WDHD1: variants seen among roughly 807,000 people sequenced by gnomAD.
WDHD1 encodes WD repeat and HMG-box DNA-binding protein 1.
In WDHD1, 111 loss-of-function variants were observed where a neutral mutation model predicts 135.4. The observed-to-expected ratio is 0.82, with a 90% CI of 0.70 to 0.96. The LOEUF (loss-of-function observed/expected upper bound fraction) is 0.96, where lower values mean the gene tolerates loss of function less well. Among genes scored for constraint, WDHD1 ranks in the 40% least tolerant of loss-of-function variants. The pLI is 0.00. For missense variants in WDHD1, 1,351 were observed against 1,336.3 expected, an observed-to-expected ratio of 1.01 and a Z score of -0.17; for synonymous variants, 434 against 439.0, an observed-to-expected ratio of 0.99 and a Z score of 0.14.
intron 22 of WDHD1, 25 bp from the exon 23 acceptor site, chr14:54,957,229 C>T (rs2041175475): frequency 6.3e-7 from 1 of 1,574,938 alleles, no homozygotes; most frequent in Non-Finnish European, 8.6e-7. Context: ...AGTGTTAGCA[C>T]TGTATGTTTA....
intron 2 of WDHD1, among the ~76,000 whole-genome samples, chr14:55,015,097 C>T (rs1234873155): frequency 1.3e-5 from 2 of 152,084 alleles, no homozygotes; most frequent in Non-Finnish European, 2.9e-5. Context: ...CTGAGATACT[C>T]CTGGTTTATG....
chr14:54,961,464 T>C (rs1489322110), intron 21 of WDHD1, among the ~76,000 whole-genome samples: 1 of 152,190 alleles, frequency 6.6e-6, no homozygotes, highest in Admixed American at 6.6e-5. Flanking sequence ...CACCACCCTT[T>C]TGCAGCCTTC....
chr14:55,022,011 A>C (rs570996641), intron 2 of WDHD1, among the ~76,000 whole-genome samples: 250 of 152,294 alleles, frequency 1.6e-3, no homozygotes, highest in Non-Finnish European at 2.7e-3. Flanking sequence ...GAGCCCGTAA[A>C]GGCCTGTATG....
intron 13 of WDHD1, among the ~76,000 whole-genome samples, chr14:54,987,702 C>T (rs1480977948): frequency 6.6e-6 from 1 of 152,102 alleles, no homozygotes; most frequent in African/African-American, 2.4e-5. Flanking sequence ...TCACTGCAAC[C>T]TCCGCCTCCC....
intron 12 of WDHD1, 47 bp from the exon 13 acceptor site, chr14:54,989,259 C>T (rs1206481462): frequency 1.4e-6 from 2 of 1,430,686 alleles, no homozygotes; most frequent in East Asian, 2.3e-5. Flanking sequence ...AACTGAAGCT[C>T]CTAGAATCAG....
At chr14:54,973,976 C>T (rs1193295372) in intron 16 of WDHD1, among the ~76,000 whole-genome samples, 5 of 151,874 alleles carry the variant, frequency 3.3e-5, no homozygotes, top group African/African-American at 4.8e-5. Context: ...TAAATATCCC[C>T]GTCATAGAAG....
At chr14:55,004,446 C>T (rs1310568622) in intron 7 of WDHD1, among the ~76,000 whole-genome samples, 1 of 151,570 alleles carries the variant, frequency 6.6e-6, no homozygotes, top group Non-Finnish European at 1.5e-5. Context: ...TTTTTTTTAG[C>T]AACCAATGTT....
intron 10 of WDHD1, among the ~76,000 whole-genome samples, chr14:54,997,031 C>T (rs1273252724): frequency 6.7e-6 from 1 of 149,780 alleles, no homozygotes; most frequent in Non-Finnish European, 1.5e-5. Context: ...ACCTCGTGAT[C>T]CACCCGCCTC....
chr14:54,947,242 G>T (rs757899929), intron 24 of WDHD1, among the ~76,000 whole-genome samples: 8 of 152,164 alleles, frequency 5.3e-5, no homozygotes, highest in Non-Finnish European at 8.8e-5. Context: ...AGGAGGCTGA[G>T]ACAGGAGAAT....
In WDHD1 at chr14:54,987,740, C is replaced by T. The variant is rs143038306; in HGVS notation, c.1527-353G>A. On this transcript the variant is annotated intron_variant, in intron 13 of 25. Transcript: ENST00000360586. ...GTTCAAGCAATTCTCCTGTCTCTTG[C>T]CTCAGCCTCCCGAGTAGCTGGGACT... is the stretch of plus-strand genomic sequence containing the variant. Among the ~76,000 whole-genome samples the T allele has an allele frequency of 6.4e-3, 977 of 152,236 alleles. 12 individuals are homozygous for T. Among genetic ancestry groups the T allele is most frequent in the African/African-American group, 0.022 (912 of 41,540 alleles).
rs2041123766 is a variant in WDHD1 at position 54,954,729 on chromosome 14, TGTTTTTTTG to T, written c.3050+823_3050+831del. 2.6e-5 allele frequency among the ~76,000 whole-genome samples: 4 copies of T among 152,224 alleles called. No individual in the cohort carries two copies. In the South Asian group the frequency reaches 6.2e-4, roughly 24 times the overall value. On this transcript the variant is annotated intron_variant, in intron 24 of 25. Transcript: ENST00000360586. The stretch of plus-strand genomic sequence containing the variant: ...TGCTATAGTATAAAGAAGTTCTTTT[TGTTTTTTTG>T]GTTTTTTTGAGACAGAGTTTCGCTT...
At chr14:54,973,465 AT>A (rs1425034555) in intron 16 of WDHD1, among the ~76,000 whole-genome samples, 1 of 151,958 alleles carries the variant, frequency 6.6e-6, no homozygotes. Flanking sequence ...TAGGGTTCTA[AT>A]TTTTTTGAAC....
rs2042107315 is a variant in WDHD1, at chr14:55,008,339, T to G, written c.481A>C (p.Arg161=). ...ACCTGATCTGAAATTTGCCACACTCTGACAGATCCATCACAACTAGCTGAT... is the reference window on the plus strand; with the variant it reads ...ACCTGATCTGAAATTTGCCACACTCGGACAGATCCATCACAACTAGCTGAT... ...LASASCDGSV[R]VWQISDQTCA... The change falls in exon 6 of 26, where the codon AGA becomes CGA. Residue 161 remains arginine, a synonymous_variant. Transcript: ENST00000360586. 1 of 1,613,532 alleles carries G rather than the reference T, an allele frequency of 6.2e-7. No individual in the cohort carries two copies. Among genetic ancestry groups the G allele is most frequent in the African/African-American group, 1.3e-5 (1 of 74,930 alleles).
chr14:54,950,929 A>G (rs2041040049), intron 24 of WDHD1, among the ~76,000 whole-genome samples: 1 of 152,192 alleles, frequency 6.6e-6, no homozygotes, highest in Non-Finnish European at 1.5e-5. Context: ...GGCAGAAATA[A>G]AGATGTTCTT....
intron 9 of WDHD1, 53 bp from the exon 10 acceptor site, chr14:55,000,697 T>C (rs2041966203): frequency 1.5e-6 from 2 of 1,377,654 alleles, no homozygotes; most frequent in Non-Finnish European, 1.9e-6. Flanking sequence ...ATATAAATTG[T>C]ACATTTCTTT....
intron 16 of WDHD1, among the ~76,000 whole-genome samples, chr14:54,979,544 T>C (rs2041583733): frequency 6.6e-6 from 1 of 152,174 alleles, no homozygotes; most frequent in South Asian, 2.1e-4. Context: ...GAATTTAACA[T>C]TTTATCACTT....
In WDHD1 at chr14:54,966,595, C is replaced by A. The variant is rs758075723; in HGVS notation, c.2190G>T (p.Trp730Cys). ...GGTGGTTGTGAAATATAACTGAACG[C>A]CAAAATTGCTCCTATAAAAGCAAAT... ...TEKGQMEEQF[W>C]RSVIFHNHLD... Residue 730 changes from tryptophan (W) to cysteine (C), a missense_variant, in exon 18 of 26, where the codon TGG becomes TGT. By Grantham distance (215) the Trp-to-Cys change is radical (BLOSUM62 -2). Around this residue, in one of 2 missense-constraint regions of WDHD1, gnomAD observed 1,330 missense variants for 1,296.1 expected, o/e 1.03. Transcript: ENST00000360586. The A allele has an allele frequency of 1.2e-6, 2 of 1,604,510 alleles. No homozygotes were observed. Among genetic ancestry groups the A allele is most frequent in the Non-Finnish European group, 1.7e-6 (2 of 1,177,432 alleles).
At chr14:54,994,274 G>A (rs866576505) in intron 11 of WDHD1, among the ~76,000 whole-genome samples, 1 of 152,056 alleles carries the variant, frequency 6.6e-6, no homozygotes, top group Non-Finnish European at 1.5e-5. Flanking sequence ...GTGTCTTTCA[G>A]AAAATTCGTC....
At chr14:54,974,492 TG>T (rs61379101) in intron 16 of WDHD1, among the ~76,000 whole-genome samples, 52,651 of 146,596 alleles carry the variant, frequency 0.36, 9,691 homozygotes, top group African/African-American at 0.46. Context: ...TGTTTTGTTT[TG>T]TTTTTTTTTT....
Sources: gnomAD v4.1 joint callset for allele counts (sites outside exome capture counted in the v4.1 genomes callset) on GRCh38, gnomAD v4.1.1 for gene constraint, gnomAD v4.1.1 regional missense constraint, MANE v1.5 for transcripts, NCBI Gene and HGNC (gene_info 2026-07-23, HGNC 2026-07-21) for gene names.